DCC: variants seen among roughly 807,000 people sequenced by gnomAD.
DCC encodes DCC netrin 1 receptor.
A neutral mutation model predicts 172.5 loss-of-function variants in DCC; 58 were observed. The ratio of observed to expected loss-of-function variants is 0.34; its 90% confidence interval spans 0.27 to 0.42. The LOEUF (loss-of-function observed/expected upper bound fraction) is 0.42, where lower values mean the gene tolerates loss of function less well. DCC is among the 10% of genes least tolerant of loss of function. The pLI is 1.00. For missense variants in DCC, 1,740 were observed against 1,791.0 expected (o/e 0.97, Z 0.51); for synonymous variants, 709 against 644.5 (o/e 1.10, Z -1.52).
intron 1 of DCC, among the ~76,000 whole-genome samples, chr18:52,357,008 C>G (rs1984396458): frequency 3.9e-5 from 6 of 152,174 alleles, no homozygotes; most frequent in Admixed American, 3.9e-4. Context: ...TGGTCTTGAA[C>G]TCCTGATGTC....
chr18:53,037,305 T>C (rs2042108277), intron 5 of DCC, among the ~76,000 whole-genome samples: 2 of 152,094 alleles, frequency 1.3e-5, no homozygotes, highest in South Asian at 2.1e-4. Flanking sequence ...TTGAAGAAGA[T>C]AGCTTAAAGG....
chr18:53,202,501 G>A (rs2055554409), intron 9 of DCC, among the ~76,000 whole-genome samples: 1 of 151,962 alleles, frequency 6.6e-6, no homozygotes, highest in South Asian at 2.1e-4. Flanking sequence ...TGCTGGAATA[G>A]GAAAAAAAAT....
intron 1 of DCC, among the ~76,000 whole-genome samples, chr18:52,629,537 G>A (rs1014868702): frequency 2.6e-5 from 4 of 152,184 alleles, no homozygotes; most frequent in Admixed American, 2.0e-4. Context: ...AGAGAGGGCC[G>A]AGCATGGTGG....
chr18:53,175,332 T>C (rs1406546036), intron 8 of DCC, among the ~76,000 whole-genome samples: 2 of 151,914 alleles, frequency 1.3e-5, no homozygotes, highest in African/African-American at 4.8e-5. Flanking sequence ...GCCAGGGCAA[T>C]TAGGCAGGAG....
chr18:52,410,225 A>T (rs1986799074), intron 1 of DCC, among the ~76,000 whole-genome samples: 1 of 152,096 alleles, frequency 6.6e-6, no homozygotes. Context: ...GAAGTTTGAG[A>T]CCACTCTGGG....
chr18:52,910,520 AAC>A (rs528264587), intron 3 of DCC, among the ~76,000 whole-genome samples: 261 of 152,288 alleles, frequency 1.7e-3, no homozygotes, highest in African/African-American at 6.0e-3. Context: ...TCAATAACAA[AAC>A]ACTAAGAGTT....
intron 1 of DCC, among the ~76,000 whole-genome samples, chr18:52,742,803 G>A (rs569869950): frequency 1.3e-5 from 2 of 152,140 alleles, no homozygotes; most frequent in African/African-American, 2.4e-5. Flanking sequence ...AAACCTAACC[G>A]AAAACAATCC....
At chr18:52,985,342 G>A (rs1044415607) in intron 5 of DCC, among the ~76,000 whole-genome samples, 1 of 152,218 alleles carries the variant, frequency 6.6e-6, no homozygotes. Context: ...TTACTTAATA[G>A]TACAGCTGAA....
chr18:52,397,317 G>A (rs940899789), intron 1 of DCC, among the ~76,000 whole-genome samples: 9 of 152,056 alleles, frequency 5.9e-5, no homozygotes, highest in African/African-American at 1.2e-4. Context: ...AGAATCACTC[G>A]CTTATAGCAT....
rs1909394524 is a variant in DCC, at chr18:53,402,772, G to T, written c.2828-14G>T. 1 of 1,582,098 alleles carries T rather than the reference G, an allele frequency of 6.3e-7. No individual in the cohort carries two copies. Among genetic ancestry groups the T allele is most frequent in the African/African-American group, 1.3e-5 (1 of 74,302 alleles). On this transcript the variant is annotated splice_polypyrimidine_tract_variant and intron_variant, in intron 18 of 28. Transcript: ENST00000442544. ...CATCCAATGACAAGGCCTTATCTCT[G>T]TCTCACCTCACAGCCCCCACCTCTG...
chr18:53,149,626 A>G (rs1304011618), intron 7 of DCC, among the ~76,000 whole-genome samples: 1 of 152,232 alleles, frequency 6.6e-6, no homozygotes, highest in African/African-American at 2.4e-5. Flanking sequence ...AATTATTAAA[A>G]GCATATGATA....
chr18:52,946,916 AAATC>A (rs1467481750), intron 5 of DCC, among the ~76,000 whole-genome samples: 2 of 152,214 alleles, frequency 1.3e-5, no homozygotes, highest in African/African-American at 4.8e-5. Context: ...TTGAAAAGCA[AAATC>A]AACGCAAACA....
At chr18:52,366,325 G>C (rs1458712892) in intron 1 of DCC, among the ~76,000 whole-genome samples, 4 of 152,134 alleles carry the variant, frequency 2.6e-5, no homozygotes, top group African/African-American at 4.8e-5. Context: ...TTATTGCAAA[G>C]AGCGAAAGAA....
chr18:52,743,838 A>G (rs2036864926), intron 1 of DCC, among the ~76,000 whole-genome samples: 1 of 152,316 alleles, frequency 6.6e-6, no homozygotes, highest in South Asian at 2.1e-4. Context: ...GGAAGAGAAA[A>G]AGAAGAATCA....
chr18:53,051,331 C>A (rs867648888), intron 5 of DCC, among the ~76,000 whole-genome samples: 1 of 152,108 alleles, frequency 6.6e-6, no homozygotes, highest in Non-Finnish European at 1.5e-5. Context: ...CCTTCTCATT[C>A]CTCCTCTCAT....
At chr18:52,447,576 C>G (rs956187032) in intron 1 of DCC, among the ~76,000 whole-genome samples, 1 of 152,028 alleles carries the variant, frequency 6.6e-6, no homozygotes, top group African/African-American at 2.4e-5. Context: ...AGTCTGTTCT[C>G]GAACTGCTAT....
intron 1 of DCC, among the ~76,000 whole-genome samples, chr18:52,434,695 C>CT (rs1184137486): frequency 6.6e-6 from 1 of 151,334 alleles, no homozygotes; most frequent in Non-Finnish European, 1.5e-5. Flanking sequence ...TACTTGGAAC[C>CT]ATTTGGTTAT....
At chr18:52,358,005 G>A (rs1400992359) in intron 1 of DCC, among the ~76,000 whole-genome samples, 1 of 151,452 alleles carries the variant, frequency 6.6e-6, no homozygotes, top group African/African-American at 2.4e-5. Flanking sequence ...CATCAGCAGT[G>A]ATAAGTCATG....
chr18:52,742,626 T>C (rs572417544), intron 1 of DCC, among the ~76,000 whole-genome samples: 1 of 152,346 alleles, frequency 6.6e-6, no homozygotes, highest in Non-Finnish European at 1.5e-5. Context: ...ATGGTTTCAA[T>C]TGCATTTTGT....
Sources: allele counts gnomAD v4.1 joint callset (sites outside exome capture counted in the v4.1 genomes callset), GRCh38; gene constraint gnomAD v4.1.1; transcripts MANE v1.5; gene names NCBI Gene and HGNC (gene_info 2026-07-23, HGNC 2026-07-21).